Variants in GAREM2 observed in about 807,000 individuals in gnomAD.
GAREM2 encodes GRB2-associated and regulator of MAPK protein 2.
GAREM2 carries 30 observed loss-of-function variants against 55.6 expected under a neutral mutation model. The ratio of observed to expected loss-of-function variants is 0.54; its 90% CI spans 0.40 to 0.73. GAREM2 has a LOEUF of 0.73. Among genes scored for constraint, GAREM2 ranks in the 30% least tolerant of loss-of-function variants. GAREM2 has a pLI of 0.00. For missense variants in GAREM2, 1,075 were observed against 1,257.7 expected (o/e 0.85, Z 2.20); for synonymous variants, 550 against 569.1 (o/e 0.97, Z 0.48).
Position 26,188,113 on chromosome 2 carries a change from GGT to G in GAREM2, c.2483_2484del (p.Val828GlufsTer11). 1 of 1,551,342 alleles carries G rather than the reference GGT, an allele frequency of 6.4e-7. No individual in the cohort carries two copies. The highest frequency in any genetic ancestry group is 8.7e-7 in the Non-Finnish European group (1 of 1,146,742). On this transcript the variant is annotated frameshift_variant, in exon 6 of 6. Transcript: ENST00000401533. LOFTEE classifies it high-confidence loss of function. ...LRFIGLSEDV[V>X]SFFARERIDG... ...GTTTCATCGGGCTCTCAGAGGATGT[GGT>G]GAGCTTCTTTGCCCGAGAACGCATC...
At chr2:26,193,540 C>G (rs763455069), downstream of GAREM2, 31 of 1,518,534 alleles carry the variant, frequency 2.0e-5, no homozygotes, top group South Asian at 3.4e-4. Flanking sequence ...AACTTTGTAA[C>G]TAATGGTGCT....
the GAREM2 span, among the ~76,000 whole-genome samples, chr2:26,200,432 G>A: frequency 6.6e-6 from 1 of 152,172 alleles, no homozygotes; most frequent in Non-Finnish European, 1.5e-5. Context: ...TGCCTATGGA[G>A]AACATTTGGG....
the GAREM2 span, among the ~76,000 whole-genome samples, chr2:26,197,401 T>C: frequency 6.6e-6 from 1 of 152,334 alleles, no homozygotes; most frequent in East Asian, 1.9e-4. Flanking sequence ...GAGCATCCTT[T>C]CTTAAGGCCT....
Position 26,178,907 on chromosome 2 carries a change from C to CGG in GAREM2, c.253+2423_253+2424insGG, listed in dbSNP as rs1195953357. Among the ~76,000 whole-genome samples the CGG allele has an allele frequency of 4.8e-3, 706 of 146,452 alleles. 5 individuals are homozygous for CGG. Among genetic ancestry groups the CGG allele is most frequent in the South Asian group, 0.033 (160 of 4,814 alleles). On this transcript the variant is annotated intron_variant, in intron 2 of 5. Coordinates refer to ENST00000401533, the MANE Select transcript of GAREM2 (RefSeq NM_001168241.2). ...GGGGAGGAGGAGGCGGAGGCGGAGG[C>CGG]AGAGGCCCCTAGGAGGGCGAAGGCC... is the stretch of plus-strand genomic sequence containing the variant.
chr2:26,191,499 G>A (rs1212388146), downstream of GAREM2: 2 of 1,614,072 alleles, frequency 1.2e-6, no homozygotes, highest in Non-Finnish European at 1.7e-6. Flanking sequence ...GACAAGGCGG[G>A]AAGCCAAGCC....
At chr2:26,177,888 A>T (rs562966913) in intron 2 of GAREM2, among the ~76,000 whole-genome samples, 230 of 152,258 alleles carry the variant, frequency 1.5e-3, no homozygotes, top group Admixed American at 2.4e-3. Flanking sequence ...TGGCCTCCCA[A>T]AGTGCTGGAA....
chr2:26,193,126 G>A (rs79247845), downstream of GAREM2, among the ~76,000 whole-genome samples: 2,079 of 152,028 alleles, frequency 0.014, 40 homozygotes, highest in African/African-American at 0.046. Context: ...GGTAAAGCCC[G>A]GATGCAGAGC....
intron 2 of GAREM2, chr2:26,181,286 G>A (rs1669042367): frequency 3.9e-6 from 1 of 255,778 alleles, no homozygotes; most frequent in Non-Finnish European, 6.1e-6. Context: ...TTCCCTGCAG[G>A]CACGCACCAT....
At chr2:26,185,961 G>A (rs1441007222) in intron 4 of GAREM2, among the ~76,000 whole-genome samples, 2 of 152,204 alleles carry the variant, frequency 1.3e-5, no homozygotes, top group Non-Finnish European at 2.9e-5. Flanking sequence ...CCAAGGAACA[G>A]GAAGGAGGCT....
At chr2:26,193,605 C>A, downstream of GAREM2, 1 of 1,613,988 alleles carries the variant, frequency 6.2e-7, no homozygotes, top group Non-Finnish European at 8.5e-7. Context: ...CCATCTGTGT[C>A]AGCAGTTCTG....
chr2:26,193,028 A>G (rs4665313), downstream of GAREM2, among the ~76,000 whole-genome samples: 124,820 of 152,118 alleles, frequency 0.82, 51,521 homozygotes, highest in African/African-American at 0.92. Flanking sequence ...CTGTTTTGCC[A>G]AGACAGAAAG....
intron 2 of GAREM2, chr2:26,181,812 T>C (rs1248101571): frequency 1.2e-5 from 2 of 160,644 alleles, no homozygotes; most frequent in Non-Finnish European, 2.6e-5. Flanking sequence ...AGACGTCATC[T>C]CTAATAAAAA....
Position 26,185,282 on chromosome 2 carries a change from T to G in GAREM2, c.1428+6T>G. On this transcript the variant is annotated splice_donor_region_variant and intron_variant, in intron 4 of 5. Coordinates refer to ENST00000401533, the MANE Select transcript of GAREM2 (RefSeq NM_001168241.2). ...TCCCTCCCAAATCCGAGGCGGTGAG[T>G]GAGCGCGCTGGGGGCCGAGTCCCGG... The G allele has an allele frequency of 1.3e-6, 2 of 1,501,804 alleles. No homozygotes were observed. The highest frequency in any genetic ancestry group is 2.7e-5 in the East Asian group (1 of 36,580). The allele number at this position is 1,501,804 out of a possible 1,614,324, so 93.0% of individuals were successfully genotyped here.
At chr2:26,182,256 C>T (rs138273669) in intron 2 of GAREM2, 46 of 1,423,896 alleles carry the variant, frequency 3.2e-5, no homozygotes, top group African/African-American at 2.7e-4. Context: ...TGGCAAAGCA[C>T]GCAGCCCCAG....
Position 26,179,963 on chromosome 2 carries a change from G to C in GAREM2, c.254-3004G>C, listed in dbSNP as rs977251125. On this transcript the variant is annotated intron_variant, in intron 2 of 5. Transcript: ENST00000401533. The surrounding 1 kb of genome is among the most constrained non-coding windows in gnomAD (Gnocchi z 4.7). ...GTGTGTGGACTTGGGGGAGGAGGCG[G>C]GAGTGAGGGGAGGAGGCTACTCAGT... Among the ~76,000 whole-genome samples, 1 of 152,022 alleles carries C rather than the reference G, an allele frequency of 6.6e-6. No individual in the cohort carries two copies. Among genetic ancestry groups the C allele is most frequent in the African/African-American group, 2.4e-5 (1 of 41,388 alleles).
At chr2:26,190,978 TTCA>T, downstream of GAREM2, 1 of 550,378 alleles carries the variant, frequency 1.8e-6, no homozygotes, top group Non-Finnish European at 3.3e-6. Context: ...GAGAGGTGGC[TTCA>T]GATGGCTCTT....
the GAREM2 span, among the ~76,000 whole-genome samples, chr2:26,198,661 TA>T: frequency 8.1e-5 from 12 of 148,714 alleles, no homozygotes; most frequent in Non-Finnish European, 1.3e-4. Context: ...CCTTAAGATT[TA>T]AAAAAAAAAG....
the GAREM2 span, among the ~76,000 whole-genome samples, chr2:26,196,049 A>G: frequency 6.6e-6 from 1 of 152,172 alleles, no homozygotes; most frequent in African/African-American, 2.4e-5. Context: ...GATATCTGTA[A>G]TTTTTGGCTG....
chr2:26,183,459 C>T (rs1356597781), intron 3 of GAREM2, among the ~76,000 whole-genome samples: 2 of 151,480 alleles, frequency 1.3e-5, no homozygotes, highest in African/African-American at 2.5e-5. Flanking sequence ...AGCAGTGGCT[C>T]ATGCCTGTAA....
Sources: gnomAD v4.1 joint callset for allele counts (sites outside exome capture counted in the v4.1 genomes callset) on GRCh38, gnomAD v4.1.1 for gene constraint, Gnocchi (gnomAD v3.1) non-coding constraint, MANE v1.5 for transcripts, NCBI Gene and HGNC (gene_info 2026-07-23, HGNC 2026-07-21) for gene names.